RTN4: variants seen among roughly 807,000 people sequenced by gnomAD.
RTN4 encodes the protein reticulon 4.
RTN4 carries 32 observed loss-of-function variants against 90.4 expected under a neutral mutation model. The ratio of observed to expected loss-of-function variants is 0.35; its 90% confidence interval spans 0.27 to 0.48. The LOEUF (loss-of-function observed/expected upper bound fraction) is 0.48. RTN4 is among the 20% of genes least tolerant of loss of function. RTN4 has a pLI of 0.99. For missense variants in RTN4, 1,706 were observed against 1,430.2 expected (o/e 1.19, Z -3.11); for synonymous variants, 629 against 552.5 (o/e 1.14, Z -1.94).
At position 55,024,968 on chromosome 2, in the gene RTN4, T is replaced by G. The variant is rs1573409745; in HGVS notation, c.3013+118A>C. 4.0e-5 allele frequency: 50 copies of G among 1,256,660 alleles called. No individual in the cohort carries two copies. The South Asian group carries it at 7.6e-4, about 19-fold the overall frequency. 77.8% of individuals were successfully genotyped at this position (1,256,660 alleles called of 1,614,324 possible). A position where few individuals can be genotyped will look rare whatever the true frequency, so the allele number is the denominator to read the frequency against. On this transcript the variant is annotated intron_variant, in intron 3 of 8. Coordinates refer to ENST00000337526, the MANE Select transcript of RTN4 (RefSeq NM_020532.5). The stretch of plus-strand genomic sequence containing the variant: ...TTTAACTGAAAAAGTGGAGAAGACT[T>G]CTTACCAATGTGACATATGAGACAC...
chr2:55,061,290 C>G (rs1217343590), intron 2 of RTN4, among the ~76,000 whole-genome samples: 6 of 152,160 alleles, frequency 3.9e-5, no homozygotes, highest in Non-Finnish European at 8.8e-5. Flanking sequence ...TCTCAAACTC[C>G]TGACCTCAGG....
At chr2:55,036,977 T>C (rs1385669817) in intron 1 of RTN4, among the ~76,000 whole-genome samples, 6 of 152,210 alleles carry the variant, frequency 3.9e-5, no homozygotes, top group African/African-American at 1.4e-4. Context: ...ACTGTATAGT[T>C]GGAAAATCCT....
chr2:55,028,259 G>C, intron 1 of RTN4, 39 bp from the exon 2 acceptor site: 1 of 1,578,168 alleles, frequency 6.3e-7, no homozygotes. Flanking sequence ...CAGAAATAAA[G>C]ACAGATTGAA....
Position 55,071,427 on chromosome 2 carries a change from G to A in RTN4, c.-63+9062C>T, listed in dbSNP as rs147836202. Among the ~76,000 whole-genome samples, 547 of 151,126 alleles carry A rather than the reference G, an allele frequency of 3.6e-3. 2 individuals carry two copies. Among genetic ancestry groups the A allele is most frequent in the South Asian group, 0.018 (84 of 4,780 alleles). On this transcript the variant is annotated intron_variant, in intron 2 of 3. Coordinates refer to the RTN4 transcript ENST00000427710. ...TAACCAGACATAACTAAGTCATTACGGTCTTTTCAGAAACTGGAAACACAT... is the reference window on the plus strand; with the variant it reads ...TAACCAGACATAACTAAGTCATTACAGTCTTTTCAGAAACTGGAAACACAT...
chr2:55,130,057 C>A, the RTN4 span, among the ~76,000 whole-genome samples: 16 of 152,216 alleles, frequency 1.1e-4, no homozygotes, highest in East Asian at 2.7e-3. Flanking sequence ...TACAAAAATG[C>A]TAATTATAAA....
upstream of RTN4, among the ~76,000 whole-genome samples, chr2:55,116,091 CTTTTT>C (rs5831339): frequency 9.5e-6 from 1 of 105,472 alleles, no homozygotes; most frequent in East Asian, 2.8e-4. Flanking sequence ...GGGGACTAGT[CTTTTT>C]TTTTTTTTTT....
intron 3 of RTN4, among the ~76,000 whole-genome samples, chr2:55,000,407 C>T (rs978506046): frequency 2.6e-5 from 4 of 152,110 alleles, no homozygotes; most frequent in African/African-American, 4.8e-5. Flanking sequence ...ACTTTGATAA[C>T]GTTACAGTGC....
intron 2 of RTN4, among the ~76,000 whole-genome samples, chr2:55,061,596 G>C (rs1017202528): frequency 6.6e-5 from 10 of 152,282 alleles, no homozygotes; most frequent in African/African-American, 2.4e-4. Context: ...CAATGTTAAA[G>C]AGACAGAAAC....
intron 3 of RTN4, among the ~76,000 whole-genome samples, chr2:55,005,042 G>A (rs1680109581): frequency 6.6e-6 from 1 of 152,094 alleles, no homozygotes; most frequent in Admixed American, 6.6e-5. Flanking sequence ...GCAAAGAACA[G>A]GTATGTTTAG....
At chr2:55,015,183 T>C (rs1220918113) in intron 3 of RTN4, among the ~76,000 whole-genome samples, 1 of 152,098 alleles carries the variant, frequency 6.6e-6, no homozygotes, top group Non-Finnish European at 1.5e-5. Flanking sequence ...GATTGCCCAG[T>C]TCATGGAAGG....
chr2:55,093,518 C>T (rs1181437893), intron 1 of RTN4, among the ~76,000 whole-genome samples: 1 of 152,088 alleles, frequency 6.6e-6, no homozygotes, highest in Non-Finnish European at 1.5e-5. Flanking sequence ...TTCTTGCACT[C>T]ATAACCTCTA....
intron 1 of RTN4, among the ~76,000 whole-genome samples, chr2:55,110,079 C>A (rs1668009490): frequency 6.6e-6 from 1 of 152,048 alleles, no homozygotes; most frequent in African/African-American, 2.4e-5. Flanking sequence ...GAAGTCGAGA[C>A]TGGTGGATAG....
intron 4 of RTN4, among the ~76,000 whole-genome samples, chr2:54,986,598 G>A (rs1413222179): frequency 6.6e-6 from 1 of 152,150 alleles, no homozygotes; most frequent in Non-Finnish European, 1.5e-5. Context: ...TTCTTTATAT[G>A]AGATGAAAAC....
chr2:55,071,543 CA>C (rs71410418), intron 2 of RTN4, among the ~76,000 whole-genome samples: 7,460 of 99,328 alleles, frequency 0.075, 430 homozygotes, highest in African/African-American at 0.23. Context: ...CATTTGCCAT[CA>C]AAAAAAAAAA....
At chr2:55,041,261 T>G (rs1187893903) in intron 1 of RTN4, among the ~76,000 whole-genome samples, 1 of 152,038 alleles carries the variant, frequency 6.6e-6, no homozygotes, top group Admixed American at 6.5e-5. Flanking sequence ...TTTAAATACA[T>G]GTTAATAAAA....
intron 1 of RTN4, among the ~76,000 whole-genome samples, chr2:55,037,690 G>A (rs549996672): frequency 3.9e-5 from 6 of 152,298 alleles, no homozygotes; most frequent in Admixed American, 3.9e-4. Context: ...TTGAAGTAGT[G>A]TAAAATCTCA....
intron 1 of RTN4, among the ~76,000 whole-genome samples, chr2:55,035,472 A>T (rs1347446202): frequency 6.6e-6 from 1 of 152,174 alleles, no homozygotes; most frequent in Non-Finnish European, 1.5e-5. Flanking sequence ...GCAGCAAAGT[A>T]ATGCTTAGAG....
At chr2:55,074,835 T>A (rs1668574279) in intron 2 of RTN4, among the ~76,000 whole-genome samples, 1 of 152,230 alleles carries the variant, frequency 6.6e-6, no homozygotes. Context: ...AATCACATGA[T>A]TATCTCAAGA....
rs1681833095 is a variant in RTN4 at position 55,026,002 on chromosome 2, A to C, written c.2097T>G (p.Cys699Trp). The change falls in exon 3 of 9, where the codon TGT becomes TGG. Residue 699 changes from cysteine to tryptophan, a missense_variant. Transcript: ENST00000337526. ...AAAGCTTTGTTTCTTTAATTAAATC[A>C]CATGCAATAGATATATAAGGAGCTT... ...ETEAPYISIA[C>W]DLIKETKLSA... The C allele has an allele frequency of 6.2e-7, 1 of 1,612,842 alleles. No homozygotes were observed.
Sources: allele counts gnomAD v4.1 joint callset (sites outside exome capture counted in the v4.1 genomes callset), GRCh38; gene constraint gnomAD v4.1.1; transcripts MANE v1.5; gene names NCBI Gene and HGNC (gene_info 2026-07-23, HGNC 2026-07-21).